The following MGAT4C variants were observed in gnomAD, a reference collection of about 807,000 sequenced individuals.
The protein encoded by MGAT4C is MGAT4 family member C, also known as alpha-1,3-mannosyl-glycoprotein 4-beta-N-acetylglucosaminyltransferase C.
In MGAT4C, 19 loss-of-function variants were observed where a neutral mutation model predicts 40.1. The ratio of observed to expected loss-of-function variants is 0.47; its 90% CI spans 0.33 to 0.70. MGAT4C has a LOEUF of 0.70. Among genes scored for constraint, MGAT4C ranks in the 30% least tolerant of loss-of-function variants. The pLI, the probability that MGAT4C is intolerant of heterozygous loss-of-function variation, is 0.02. For missense variants in MGAT4C, 491 were observed against 563.2 expected, an observed-to-expected ratio of 0.87 and a Z score of 1.30; for synonymous variants, 181 against 187.1, an observed-to-expected ratio of 0.97 and a Z score of 0.27.
At chr12:86,724,986 ACAT>A (rs1593152994) in intron 2 of MGAT4C, among the ~76,000 whole-genome samples, 1 of 152,204 alleles carries the variant, frequency 6.6e-6, no homozygotes, top group African/African-American at 2.4e-5. Context: ...GTTCTTTGAA[ACAT>A]CATGTTTTAC....
intron 1 of MGAT4C, among the ~76,000 whole-genome samples, chr12:86,203,309 G>C (rs1205379620): frequency 2.6e-5 from 4 of 151,902 alleles, no homozygotes; most frequent in Admixed American, 6.6e-5. Context: ...AATTTCCAAG[G>C]GTAGGCTAGA....
At chr12:86,591,606 T>C (rs1961333944) in intron 2 of MGAT4C, among the ~76,000 whole-genome samples, 1 of 151,988 alleles carries the variant, frequency 6.6e-6, no homozygotes, top group African/African-American at 2.4e-5. Flanking sequence ...GAACTCATTA[T>C]GTTGAAAAGT....
At chr12:86,526,120 G>C (rs1958876942) in intron 2 of MGAT4C, among the ~76,000 whole-genome samples, 1 of 152,174 alleles carries the variant, frequency 6.6e-6, no homozygotes, top group African/African-American at 2.4e-5. Flanking sequence ...GTTGGCACAG[G>C]GACGGTGCTG....
At chr12:86,552,335 A>C (rs1484828881) in intron 2 of MGAT4C, among the ~76,000 whole-genome samples, 3 of 152,104 alleles carry the variant, frequency 2.0e-5, no homozygotes, top group East Asian at 1.9e-4. Flanking sequence ...ATTTCCTAGA[A>C]GTATAAAGGA....
intron 2 of MGAT4C, among the ~76,000 whole-genome samples, chr12:86,533,730 A>T (rs1393970181): frequency 6.6e-6 from 1 of 151,880 alleles, no homozygotes; most frequent in African/African-American, 2.4e-5. Context: ...TCTAAGCCAC[A>T]CAATTGACTG....
intron 4 of MGAT4C, among the ~76,000 whole-genome samples, chr12:86,332,416 C>T (rs1051469508): frequency 6.7e-6 from 1 of 149,952 alleles, no homozygotes; most frequent in Non-Finnish European, 1.5e-5. Flanking sequence ...TGCCAAGTAT[C>T]TCTCAAAAAA....
intron 1 of MGAT4C, among the ~76,000 whole-genome samples, chr12:86,220,004 T>C (rs1230321955): frequency 1.3e-5 from 2 of 152,164 alleles, no homozygotes; most frequent in Non-Finnish European, 2.9e-5. Context: ...GATTGGGTTT[T>C]TGGAATTAGC....
At chr12:86,337,851 G>A (rs2136180237) in intron 3 of MGAT4C, among the ~76,000 whole-genome samples, 1 of 152,196 alleles carries the variant, frequency 6.6e-6, no homozygotes, top group Non-Finnish European at 1.5e-5. Flanking sequence ...TCCTTGTTTG[G>A]ATGATGAACT....
At position 85,974,866 on chromosome 12, in the gene MGAT4C, T is replaced by G. The variant is rs1172627465; in HGVS notation, c.*4423A>C. The G allele has an allele frequency of 6.6e-6, 1 of 150,562 alleles. No homozygotes were observed. The highest frequency in any genetic ancestry group is 1.9e-4 in the East Asian group (1 of 5,170). 9.3% of individuals were successfully genotyped at this position (150,562 alleles called of 1,614,324 possible). A position where few individuals can be genotyped will look rare whatever the true frequency, so the allele number is the denominator to read the frequency against. ...TTTCAAACATCAGTGCCAAGGTAAT[T>G]TATAGGTCAGTGCATTGATAACTTT... On this transcript the variant is annotated 3_prime_UTR_variant, in exon 5 of 5. Coordinates refer to ENST00000611864, the MANE Select transcript of MGAT4C (RefSeq NM_001351288.2).
chr12:85,963,466 T>C lies in MGAT4C; in HGVS notation c.*15823A>G, dbSNP rs2136646011. 6.6e-6 allele frequency: 1 copy of C among 151,798 alleles called. No individual in the cohort carries two copies. Among genetic ancestry groups the C allele is most frequent in the East Asian group, 1.9e-4 (1 of 5,168 alleles). 9.4% of individuals were successfully genotyped at this position (151,798 alleles called of 1,614,324 possible). ...CACATACACACAGACACACACAGAG[T>C]TTGCTTATAAGCTCAGGAAGCTTAA... On this transcript the variant is annotated 3_prime_UTR_variant, in exon 5 of 5. Transcript: ENST00000611864.
chr12:86,555,759 T>C (rs1290355122), intron 2 of MGAT4C, among the ~76,000 whole-genome samples: 1 of 152,150 alleles, frequency 6.6e-6, no homozygotes. Context: ...TCTCACCACC[T>C]GTTTCTTTGT....
intron 2 of MGAT4C, among the ~76,000 whole-genome samples, chr12:86,679,908 G>C (rs1260114009): frequency 6.6e-6 from 1 of 152,084 alleles, no homozygotes; most frequent in Non-Finnish European, 1.5e-5. Context: ...ATAAAGAGAA[G>C]TCAGTACCTA....
At chr12:86,246,262 T>G (rs994595717) in intron 1 of MGAT4C, among the ~76,000 whole-genome samples, 1 of 144,188 alleles carries the variant, frequency 6.9e-6, no homozygotes, top group African/African-American at 2.6e-5. Context: ...CTCCGCTCAC[T>G]GCAAGCTCCG....
At chr12:86,064,499 A>G (rs1266588679) in intron 1 of MGAT4C, among the ~76,000 whole-genome samples, 1 of 152,240 alleles carries the variant, frequency 6.6e-6, no homozygotes, top group Non-Finnish European at 1.5e-5. Flanking sequence ...AGAAATAAAG[A>G]TGTTCTTTGA....
intron 1 of MGAT4C, among the ~76,000 whole-genome samples, chr12:86,763,297 T>C (rs543580488): frequency 1.4e-4 from 22 of 152,282 alleles, no homozygotes; most frequent in African/African-American, 5.1e-4. Flanking sequence ...TTTACAAGGG[T>C]ATATTGAAAA....
At chr12:86,774,281 C>CTCTTTCTTTCTTTCTTTT (rs1951693289) in intron 1 of MGAT4C, among the ~76,000 whole-genome samples, 1 of 58,934 alleles carries the variant, frequency 1.7e-5, no homozygotes, top group Non-Finnish European at 3.5e-5. Context: ...CTAAGGCTTG[C>CTCTTTCTTTCTTTCTTTT]TCTTTCTTTC....
At chr12:86,476,454 AG>A (rs1957836924) in intron 2 of MGAT4C, among the ~76,000 whole-genome samples, 1 of 152,140 alleles carries the variant, frequency 6.6e-6, no homozygotes, top group African/African-American at 2.4e-5. Flanking sequence ...TTTGGATAAA[AG>A]GGAAAGCTTA....
chr12:86,111,443 G>A (rs1335673420), intron 1 of MGAT4C, among the ~76,000 whole-genome samples: 3 of 151,752 alleles, frequency 2.0e-5, no homozygotes, highest in Non-Finnish European at 3.0e-5. Context: ...GGCTCATTAT[G>A]TTTGAAGTTA....
chr12:86,386,226 T>C (rs1956048298), intron 3 of MGAT4C, among the ~76,000 whole-genome samples: 1 of 152,140 alleles, frequency 6.6e-6, no homozygotes, highest in Non-Finnish European at 1.5e-5. Context: ...CAGGTAATTA[T>C]TTTTGAGATT....
Sources: gnomAD v4.1 joint callset for allele counts (sites outside exome capture counted in the v4.1 genomes callset) on GRCh38, gnomAD v4.1.1 for gene constraint, MANE v1.5 for transcripts, NCBI Gene and HGNC (gene_info 2026-07-23, HGNC 2026-07-21) for gene names.